The following LRBA variants were observed in gnomAD, a reference collection of about 807,000 sequenced individuals.
The protein encoded by LRBA is LPS responsive beige-like anchor protein.
LRBA carries 176 observed loss-of-function variants against 330.0 expected under a neutral mutation model. The ratio of observed to expected loss-of-function variants is 0.53; its 90% CI spans 0.47 to 0.60. The LOEUF (loss-of-function observed/expected upper bound fraction) is 0.60, where lower values mean the gene tolerates loss of function less well. Ranked by LOEUF, LRBA falls within the 20% of genes least tolerant of loss-of-function variation. The pLI, the probability that LRBA is intolerant of heterozygous loss-of-function variation, is 0.00. For missense variants in LRBA, 3,259 were observed against 3,444.8 expected (o/e 0.95, Z 1.35); for synonymous variants, 1,230 against 1,193.0 (o/e 1.03, Z -0.64).
chr4:150,269,824 A>C (rs1745835346), intron 56 of LRBA, among the ~76,000 whole-genome samples: 1 of 152,232 alleles, frequency 6.6e-6, no homozygotes, highest in South Asian at 2.1e-4. Context: ...ACATGCCTGG[A>C]GTACCAGCTA....
chr4:150,943,932 C>G (rs1735951470), intron 2 of LRBA, among the ~76,000 whole-genome samples: 1 of 152,064 alleles, frequency 6.6e-6, no homozygotes, highest in Non-Finnish European at 1.5e-5. Context: ...AATCAGTCAC[C>G]ACAAATGAGG....
At chr4:150,426,269 G>GA (rs1204427498) in intron 46 of LRBA, among the ~76,000 whole-genome samples, 1 of 151,778 alleles carries the variant, frequency 6.6e-6, no homozygotes, top group African/African-American at 2.4e-5. Context: ...AATTGGAAAA[G>GA]AAAAAATAAT....
At chr4:150,425,521 C>T (rs1239285130) in intron 46 of LRBA, among the ~76,000 whole-genome samples, 1 of 152,210 alleles carries the variant, frequency 6.6e-6, no homozygotes, top group Non-Finnish European at 1.5e-5. Context: ...TTGCTTTGAT[C>T]ACAAATCCCA....
chr4:150,740,685 C>T (rs1731833342), intron 35 of LRBA, among the ~76,000 whole-genome samples: 1 of 149,008 alleles, frequency 6.7e-6, no homozygotes, highest in African/African-American at 2.5e-5. Context: ...AAAAAGTATA[C>T]CATGTTCATG....
chr4:150,339,681 TA>T (rs2127005134), intron 48 of LRBA, among the ~76,000 whole-genome samples: 1 of 152,238 alleles, frequency 6.6e-6, no homozygotes, highest in South Asian at 2.1e-4. Context: ...ATATGTTCCA[TA>T]ACATTGTCTA....
At chr4:150,287,117 G>A (rs1020154741) in intron 53 of LRBA, among the ~76,000 whole-genome samples, 3 of 152,180 alleles carry the variant, frequency 2.0e-5, no homozygotes, top group African/African-American at 7.2e-5. Flanking sequence ...TGTGCCCACA[G>A]AGTAAGTGGC....
intron 40 of LRBA, among the ~76,000 whole-genome samples, chr4:150,585,826 A>T (rs984986075): frequency 1.3e-5 from 2 of 152,200 alleles, no homozygotes; most frequent in Non-Finnish European, 2.9e-5. Flanking sequence ...GAGAGGGGGA[A>T]GGGCTGTATG....
chr4:150,425,226 T>C (rs762712245), intron 46 of LRBA, among the ~76,000 whole-genome samples: 12 of 152,260 alleles, frequency 7.9e-5, no homozygotes, highest in Admixed American at 1.3e-4. Flanking sequence ...AAGTATGTTT[T>C]ATATTCATCA....
chr4:150,313,765 T>C, intron 51 of LRBA, among the ~76,000 whole-genome samples: 1 of 151,276 alleles, frequency 6.6e-6, no homozygotes, highest in Admixed American at 6.6e-5. Flanking sequence ...AATATTTTCA[T>C]AGATTGAGAT....
intron 37 of LRBA, among the ~76,000 whole-genome samples, chr4:150,609,780 C>A (rs1775043808): frequency 6.6e-6 from 1 of 152,086 alleles, no homozygotes; most frequent in Non-Finnish European, 1.5e-5. Flanking sequence ...AGGTAAAGAA[C>A]AGACTTAAGC....
chr4:150,272,175 C>G (rs1746202137), intron 56 of LRBA, among the ~76,000 whole-genome samples: 1 of 152,174 alleles, frequency 6.6e-6, no homozygotes, highest in Non-Finnish European at 1.5e-5. Context: ...TGGTGATACC[C>G]AGGTAAACAG....
chr4:150,572,923 TC>T (rs1770042004), intron 40 of LRBA, among the ~76,000 whole-genome samples: 2 of 152,256 alleles, frequency 1.3e-5, no homozygotes, highest in Non-Finnish European at 2.9e-5. Flanking sequence ...TGTGGCTGCC[TC>T]CTTTGATTGT....
intron 44 of LRBA, among the ~76,000 whole-genome samples, 185 bp downstream of exon 44, chr4:150,467,488 A>C (rs1008427498): frequency 2.6e-5 from 4 of 152,164 alleles, no homozygotes; most frequent in African/African-American, 9.6e-5. Context: ...TAACATCACA[A>C]AAGAGAAGTA....
In LRBA at chr4:150,687,314, T is replaced by C. The variant is rs189666981; in HGVS notation, c.5755-3597A>G. The stretch of plus-strand genomic sequence containing the variant: ...TATTTATTTGTAGTATACATATTTG[T>C]GTATGTATGTATACCTGTATTTGGA... On this transcript the variant is annotated intron_variant, in intron 36 of 56. Coordinates refer to ENST00000651943, the MANE Select transcript of LRBA (RefSeq NM_001364905.1). 3.3e-3 allele frequency among the ~76,000 whole-genome samples: 505 copies of C among 152,258 alleles called. 2 individuals are homozygous for C. The highest frequency in any genetic ancestry group is 0.012 in the African/African-American group (482 of 41,584).
intron 47 of LRBA, among the ~76,000 whole-genome samples, chr4:150,373,164 T>TGAGAGAGAGAGA (rs1561082920): frequency 2.8e-4 from 38 of 135,190 alleles, no homozygotes; most frequent in African/African-American, 1.0e-3. Flanking sequence ...TGTGTGTGTG[T>TGAGAGAGAGAGA]GTGTGTGTGA....
At chr4:150,614,413 G>A (rs1775568719) in intron 37 of LRBA, among the ~76,000 whole-genome samples, 1 of 152,068 alleles carries the variant, frequency 6.6e-6, no homozygotes, top group Non-Finnish European at 1.5e-5. Flanking sequence ...GAAAGTTATT[G>A]GAATAAACAA....
chr4:150,818,304 A>G (rs1560862328), intron 30 of LRBA, among the ~76,000 whole-genome samples: 1 of 152,126 alleles, frequency 6.6e-6, no homozygotes, highest in East Asian at 1.9e-4. Flanking sequence ...GAGGGCAAAC[A>G]CTGTTGCCAA....
chr4:150,776,743 C>T (rs1171768348), intron 34 of LRBA, among the ~76,000 whole-genome samples: 2 of 144,738 alleles, frequency 1.4e-5, no homozygotes, highest in East Asian at 4.2e-4. Context: ...CCAGGAGGCA[C>T]AGGTTGCAGT....
Position 150,321,388 on chromosome 4 carries a change from T to A in LRBA, c.7453-20A>T. The A allele has an allele frequency of 6.5e-7, 1 of 1,546,856 alleles. No individual in the cohort carries two copies. The highest frequency in any genetic ancestry group is 8.7e-7 in the Non-Finnish European group (1 of 1,154,542). On this transcript the variant is annotated intron_variant, in intron 49 of 56. Coordinates refer to ENST00000651943, the MANE Select transcript of LRBA (RefSeq NM_001364905.1). This position sits in a 1 kb window ranked among gnomAD's most constrained non-coding sequence, Gnocchi z 4.5. ...TGGACTCTGCAGGAGGAGATACTGT[T>A]GAGTGGGCATGACAAGACCCAAATA... is the stretch of plus-strand genomic sequence containing the variant.
Sources: allele counts gnomAD v4.1 joint callset (sites outside exome capture counted in the v4.1 genomes callset), GRCh38; gene constraint gnomAD v4.1.1; non-coding constraint Gnocchi (gnomAD v3.1); transcripts MANE v1.5; gene names NCBI Gene and HGNC (gene_info 2026-07-23, HGNC 2026-07-21).